Variants in KHDRBS2 observed in about 807,000 individuals in gnomAD.
KHDRBS2 encodes the protein KH RNA binding domain containing, signal transduction associated 2, also known as KH domain-containing, RNA-binding, signal transduction-associated protein 2.
In KHDRBS2, 26 loss-of-function variants were observed where a neutral mutation model predicts 44.3. The observed-to-expected ratio is 0.59, with a 90% confidence interval of 0.43 to 0.81. The LOEUF (loss-of-function observed/expected upper bound fraction) is 0.81, where lower values mean the gene tolerates loss of function less well. Among genes scored for constraint, KHDRBS2 ranks in the 40% least tolerant of loss-of-function variants. The pLI is 0.00. For synonymous variants in KHDRBS2, 194 were observed against 151.1 expected, an observed-to-expected ratio of 1.28 and a Z score of -2.08; for missense variants, 476 against 433.1, an observed-to-expected ratio of 1.10 and a Z score of -0.88.
chr6:61,958,766 C>T (rs546276335), intron 4 of KHDRBS2, among the ~76,000 whole-genome samples: 2 of 152,268 alleles, frequency 1.3e-5, no homozygotes, highest in East Asian at 1.9e-4. Flanking sequence ...GCCCTCCTGT[C>T]TTCTGTCTTT....
intron 1 of KHDRBS2, among the ~76,000 whole-genome samples, chr6:62,228,663 G>A (rs1290266324): frequency 6.6e-6 from 1 of 151,552 alleles, no homozygotes; most frequent in Non-Finnish European, 1.5e-5. Context: ...TCTTATGTGG[G>A]CATTTACTGC....
intron 3 of KHDRBS2, among the ~76,000 whole-genome samples, chr6:61,992,951 G>T (rs957592732): frequency 1.3e-5 from 2 of 152,048 alleles, no homozygotes; most frequent in Non-Finnish European, 2.9e-5. Flanking sequence ...TGTAAGAGAC[G>T]GCGTATATGG....
At chr6:61,793,880 T>C (rs1195113047) in intron 6 of KHDRBS2, among the ~76,000 whole-genome samples, 2 of 152,090 alleles carry the variant, frequency 1.3e-5, no homozygotes, top group Non-Finnish European at 2.9e-5. Flanking sequence ...TGTAGTGTTA[T>C]CTTTGAATTA....
At chr6:61,566,504 C>T in the KHDRBS2 span, among the ~76,000 whole-genome samples, 2 of 152,216 alleles carry the variant, frequency 1.3e-5, no homozygotes, top group South Asian at 4.1e-4. Context: ...ACATGTACCC[C>T]ATAAACATTT....
the KHDRBS2 span, among the ~76,000 whole-genome samples, chr6:61,610,476 C>T: frequency 3.3e-5 from 5 of 152,090 alleles, no homozygotes; most frequent in African/African-American, 1.2e-4. Context: ...GGGTCAGAAT[C>T]TCTTATGGCT....
At position 61,683,270 on chromosome 6, in the gene KHDRBS2, A is replaced by G. The variant is rs555381980; in HGVS notation, c.953-2210T>C. Among the ~76,000 whole-genome samples the G allele has an allele frequency of 5.9e-5, 9 of 152,036 alleles. No individual in the cohort carries two copies. In the South Asian group the frequency reaches 1.2e-3, roughly 21 times the overall value. On this transcript the variant is annotated intron_variant, in intron 8 of 8. Transcript: ENST00000281156. Reference sequence around the variant, plus strand: ...ATTGACATAAACCTAGGGACTTGCTACAGAGGACATAAGTGTTTAATAACT... The same window carrying G: ...ATTGACATAAACCTAGGGACTTGCTGCAGAGGACATAAGTGTTTAATAACT...
intron 2 of KHDRBS2, among the ~76,000 whole-genome samples, chr6:62,142,093 A>G (rs1812946597): frequency 6.6e-6 from 1 of 152,094 alleles, no homozygotes; most frequent in South Asian, 2.1e-4. Context: ...TCTTCTGAAT[A>G]TACTGAATTT....
intron 3 of KHDRBS2, among the ~76,000 whole-genome samples, chr6:62,024,691 T>C (rs1253940044): frequency 6.6e-6 from 1 of 151,630 alleles, no homozygotes; most frequent in Non-Finnish European, 1.5e-5. Flanking sequence ...TATCATTGTC[T>C]TGAATTGTTT....
intron 6 of KHDRBS2, among the ~76,000 whole-genome samples, chr6:61,776,097 G>A (rs913954128): frequency 6.6e-6 from 1 of 152,158 alleles, no homozygotes; most frequent in Non-Finnish European, 1.5e-5. Context: ...TATGTAGAAA[G>A]CTGAAACTGG....
chr6:62,005,712 TAAC>T (rs1303132472), intron 3 of KHDRBS2, among the ~76,000 whole-genome samples: 4 of 151,412 alleles, frequency 2.6e-5, no homozygotes, highest in Admixed American at 6.6e-5. Flanking sequence ...GAATATAAAA[TAAC>T]AATATATTTA....
chr6:62,106,638 G>T (rs1037204874), intron 2 of KHDRBS2, among the ~76,000 whole-genome samples: 3 of 151,718 alleles, frequency 2.0e-5, no homozygotes, highest in African/African-American at 4.8e-5. Flanking sequence ...TACCAAAGCC[G>T]GGCAGAGACA....
intron 2 of KHDRBS2, among the ~76,000 whole-genome samples, chr6:62,072,922 G>A (rs921917448): frequency 6.6e-5 from 10 of 152,140 alleles, no homozygotes; most frequent in African/African-American, 2.2e-4. Flanking sequence ...AATGGTACCA[G>A]CTCCCCCTTG....
At chr6:61,664,188 T>G in the KHDRBS2 span, among the ~76,000 whole-genome samples, 1 of 151,834 alleles carries the variant, frequency 6.6e-6, no homozygotes, top group East Asian at 1.9e-4. Context: ...ACAAGCAGAT[T>G]AGATGTTTTA....
At chr6:61,970,312 A>G (rs1771075720) in intron 4 of KHDRBS2, among the ~76,000 whole-genome samples, 1 of 152,092 alleles carries the variant, frequency 6.6e-6, no homozygotes, top group Non-Finnish European at 1.5e-5. Context: ...TAGTTAAAAA[A>G]AAACTGCATA....
At chr6:61,883,035 A>G (rs1800420508) in intron 6 of KHDRBS2, among the ~76,000 whole-genome samples, 1 of 152,076 alleles carries the variant, frequency 6.6e-6, no homozygotes, top group Admixed American at 6.6e-5. Context: ...TGTCAAAACT[A>G]TAATGAACTC....
chr6:61,569,950 C>T, the KHDRBS2 span, among the ~76,000 whole-genome samples: 2 of 152,082 alleles, frequency 1.3e-5, no homozygotes, highest in Admixed American at 1.3e-4. Flanking sequence ...CAGACCTTTC[C>T]ACTGAAATAG....
chr6:61,582,210 C>T, the KHDRBS2 span, among the ~76,000 whole-genome samples: 4 of 151,414 alleles, frequency 2.6e-5, no homozygotes, highest in African/African-American at 9.7e-5. Flanking sequence ...ATAAACCAAA[C>T]ATAAGAACAA....
intron 6 of KHDRBS2, among the ~76,000 whole-genome samples, chr6:61,842,061 C>T (rs1167673050): frequency 1.3e-5 from 2 of 152,104 alleles, no homozygotes; most frequent in African/African-American, 4.8e-5. Context: ...AGTAAATGCA[C>T]CTCACTCTAT....
intron 6 of KHDRBS2, among the ~76,000 whole-genome samples, chr6:61,756,016 G>T (rs1778434768): frequency 6.6e-6 from 1 of 151,674 alleles, no homozygotes; most frequent in African/African-American, 2.4e-5. Context: ...AAAGTAGTGG[G>T]TATTGGTAAG....
Sources: allele counts gnomAD v4.1 joint callset (sites outside exome capture counted in the v4.1 genomes callset), GRCh38; gene constraint gnomAD v4.1.1; transcripts MANE v1.5; gene names NCBI Gene and HGNC (gene_info 2026-07-23, HGNC 2026-07-21).